Variants in FRMD4B observed in about 807,000 individuals in gnomAD.
FRMD4B encodes FERM domain containing 4B, also known as FERM domain-containing protein 4B.
In FRMD4B, 74 loss-of-function variants were observed where a neutral mutation model predicts 141.5. That is an observed-to-expected ratio of 0.52 (90% CI 0.43 to 0.63). The LOEUF is 0.63. Among genes scored for constraint, FRMD4B ranks in the 30% least tolerant of loss-of-function variants. The pLI, the probability that FRMD4B is intolerant of heterozygous loss-of-function variation, is 0.00. For missense variants in FRMD4B, 1,366 were observed against 1,253.4 expected, an observed-to-expected ratio of 1.09 and a Z score of -1.36; for synonymous variants, 506 against 467.9, an observed-to-expected ratio of 1.08 and a Z score of -1.05.
At chr3:69,492,225 C>G (rs1706311090) in intron 1 of FRMD4B, among the ~76,000 whole-genome samples, 1 of 152,132 alleles carries the variant, frequency 6.6e-6, no homozygotes, top group Admixed American at 6.5e-5. Context: ...CTGATTTTGG[C>G]ACTTCTCCCA....
At chr3:69,499,567 C>G (rs369254381) in intron 1 of FRMD4B, among the ~76,000 whole-genome samples, 2 of 152,142 alleles carry the variant, frequency 1.3e-5, no homozygotes, top group African/African-American at 4.8e-5. Flanking sequence ...AATCGTGAAG[C>G]TTTATACTGA....
chr3:69,302,760 T>G (rs1182614600), intron 3 of FRMD4B, among the ~76,000 whole-genome samples: 1 of 152,230 alleles, frequency 6.6e-6, no homozygotes, highest in Non-Finnish European at 1.5e-5. Context: ...AAGAGGATAT[T>G]GTTTAAAAAA....
At chr3:69,494,834 G>C (rs543869684) in intron 1 of FRMD4B, among the ~76,000 whole-genome samples, 1 of 151,896 alleles carries the variant, frequency 6.6e-6, no homozygotes, top group Non-Finnish European at 1.5e-5. Flanking sequence ...AGAGGTTGCA[G>C]TGATCCAAGA....
At chr3:69,351,243 T>C (rs1037326583) in intron 1 of FRMD4B, among the ~76,000 whole-genome samples, 3 of 152,200 alleles carry the variant, frequency 2.0e-5, no homozygotes, top group African/African-American at 7.2e-5. Context: ...TAGGAAAATA[T>C]TGCATTTAAA....
chr3:69,427,311 T>C (rs985257637), intron 2 of FRMD4B, among the ~76,000 whole-genome samples: 2 of 148,478 alleles, frequency 1.3e-5, no homozygotes, highest in Non-Finnish European at 3.0e-5. Flanking sequence ...TATATTGTTA[T>C]ATATTACTTA....
In FRMD4B at chr3:69,193,733, T is replaced by C; in HGVS notation, c.1629A>G (p.Lys543=). 6.2e-7 allele frequency: 1 copy of C among 1,613,884 alleles called. No individual in the cohort carries two copies. Among genetic ancestry groups the C allele is most frequent in the Non-Finnish European group, 8.5e-7 (1 of 1,179,750 alleles). Residue 543 remains lysine, a synonymous_variant, in exon 17 of 23, where the codon AAA becomes AAG. Transcript: ENST00000398540. The part of the protein sequence containing the change: ...KRKQDYTDAM[K]KLQEIENAIN... The stretch of plus-strand genomic sequence containing the variant: ...TTGCATTTTCAATCTCCTGAAGCTT[T>C]TTCATCGCATCTGTGTAATCTTGCT...
intron 1 of FRMD4B, among the ~76,000 whole-genome samples, chr3:69,541,790 C>T (rs906521934): frequency 2.0e-5 from 2 of 101,066 alleles, no homozygotes; most frequent in African/African-American, 4.2e-5. Context: ...CCAGGGATTT[C>T]CCCCCCCTCT....
At chr3:69,236,228 G>T (rs866539658) in intron 7 of FRMD4B, among the ~76,000 whole-genome samples, 4,195 of 139,702 alleles carry the variant, frequency 0.03, 72 homozygotes, top group Non-Finnish European at 0.03. Context: ...TATTGTTTTG[G>T]TTTTTTTTTT....
intron 1 of FRMD4B, among the ~76,000 whole-genome samples, chr3:69,484,856 C>G (rs888506108): frequency 6.6e-6 from 1 of 152,160 alleles, no homozygotes; most frequent in African/African-American, 2.4e-5. Flanking sequence ...TGTGCTAACT[C>G]GTCCATGGGC....
chr3:69,299,765 T>C (rs1023597996), intron 4 of FRMD4B, among the ~76,000 whole-genome samples: 6 of 152,234 alleles, frequency 3.9e-5, no homozygotes, highest in Admixed American at 1.3e-4. Context: ...CATGCTTTAA[T>C]GTGCTATCAC....
chr3:69,345,816 C>A (rs1225707416), intron 1 of FRMD4B, among the ~76,000 whole-genome samples: 1 of 152,086 alleles, frequency 6.6e-6, no homozygotes, highest in Non-Finnish European at 1.5e-5. Context: ...GACATCCACA[C>A]CAAAACCCCA....
intron 1 of FRMD4B, among the ~76,000 whole-genome samples, chr3:69,524,240 G>T (rs899146910): frequency 1.1e-4 from 17 of 152,182 alleles, no homozygotes; most frequent in Non-Finnish European, 2.4e-4. Flanking sequence ...TTGACCATGT[G>T]CCAATCACTG....
chr3:69,520,772 G>A (rs1375775564), intron 1 of FRMD4B, among the ~76,000 whole-genome samples: 1 of 152,088 alleles, frequency 6.6e-6, no homozygotes, highest in Non-Finnish European at 1.5e-5. Flanking sequence ...CCTGCTCCTT[G>A]AGATCTCTTC....
intron 7 of FRMD4B, among the ~76,000 whole-genome samples, chr3:69,228,136 T>C (rs2093271736): frequency 6.6e-6 from 1 of 152,240 alleles, no homozygotes; most frequent in African/African-American, 2.4e-5. Flanking sequence ...TGGCTTCTAC[T>C]GGGTAGTTCC....
At chr3:69,362,932 CTT>C (rs1357256080) in intron 1 of FRMD4B, among the ~76,000 whole-genome samples, 2 of 151,132 alleles carry the variant, frequency 1.3e-5, no homozygotes, top group Non-Finnish European at 2.9e-5. Flanking sequence ...TTGGACAATT[CTT>C]CTATAAGTCC....
At position 69,283,402 on chromosome 3, in the gene FRMD4B, A is replaced by AACAAC. The variant is rs58620572; in HGVS notation, c.501+4349_501+4350insGTTGT. ...TCCATCTCAAAACAACAACAACAACAAACAAAAAACAAAAAAGCAACAACA... is the reference window on the plus strand; with the variant it reads ...TCCATCTCAAAACAACAACAACAACAACAACAACAAAAAACAAAAAAGCAACAACA... On this transcript the variant is annotated intron_variant, in intron 5 of 22. Coordinates refer to ENST00000398540, the MANE Select transcript of FRMD4B (RefSeq NM_015123.3). Among the ~76,000 whole-genome samples, 445 of 109,624 alleles carry AACAAC rather than the reference A, an allele frequency of 4.1e-3. 1 individual carries two copies. Among genetic ancestry groups the AACAAC allele is most frequent in the African/African-American group, 0.01 (328 of 31,252 alleles). The allele number at this position is 109,624 out of a possible 152,430, so 71.9% of individuals were successfully genotyped here. A position where few individuals can be genotyped will look rare whatever the true frequency, so the allele number is the denominator to read the frequency against.
intron 1 of FRMD4B, among the ~76,000 whole-genome samples, chr3:69,512,073 G>A (rs2107103010): frequency 6.6e-6 from 1 of 152,316 alleles, no homozygotes; most frequent in Non-Finnish European, 1.5e-5. Flanking sequence ...GAATAAAGAA[G>A]AGAGATTTAT....
chr3:69,180,846 G>A, intron 21 of FRMD4B, 53 bp downstream of exon 21: 2 of 1,327,718 alleles, frequency 1.5e-6, no homozygotes, highest in Non-Finnish European at 2.1e-6. Context: ...AGGTGGGCAG[G>A]AAACACGATG....
At chr3:69,356,062 G>A (rs6780213) in intron 1 of FRMD4B, among the ~76,000 whole-genome samples, 2,412 of 152,142 alleles carry the variant, frequency 0.016, 61 homozygotes, top group African/African-American at 0.055. Context: ...CAGGATCCCC[G>A]CTTTTCTTTG....
Sources: allele counts gnomAD v4.1 joint callset (sites outside exome capture counted in the v4.1 genomes callset), GRCh38; gene constraint gnomAD v4.1.1; transcripts MANE v1.5; gene names NCBI Gene and HGNC (gene_info 2026-07-23, HGNC 2026-07-21).